DDX17: variants seen among roughly 807,000 people sequenced by gnomAD.
DDX17 encodes DEAD-box helicase 17, also known as probable ATP-dependent RNA helicase DDX17.
Under a neutral mutation model 80.8 loss-of-function variants are expected in DDX17, and 10 were observed. That is an observed-to-expected ratio of 0.12 (90% CI 0.08 to 0.21). The LOEUF (loss-of-function observed/expected upper bound fraction) is 0.21. Among genes scored for constraint, DDX17 ranks in the 10% least tolerant of loss-of-function variants. The pLI, the probability that DDX17 is intolerant of heterozygous loss-of-function variation, is 1.00. For synonymous variants in DDX17, 339 were observed against 336.2 expected, an observed-to-expected ratio of 1.01 and a Z score of -0.09; for missense variants, 586 against 957.4, an observed-to-expected ratio of 0.61 and a Z score of 5.12.
chr22:38,503,565 C>A (rs1197423777), intron 1 of DDX17, among the ~76,000 whole-genome samples: 3 of 152,132 alleles, frequency 2.0e-5, no homozygotes, highest in African/African-American at 7.2e-5. Context: ...TAATTAATGA[C>A]CTCAAAATTC....
At chr22:38,505,674 C>T in intron 1 of DDX17, 1 of 428,296 alleles carries the variant, frequency 2.3e-6, no homozygotes, top group Non-Finnish European at 4.1e-6. Context: ...GGCCAGGCCG[C>T]CCCTCCCGAT....
In DDX17 at chr22:38,486,291, C is replaced by T. The variant is rs748466272; in HGVS notation, c.1834G>A (p.Gly612Ser). The change falls in exon 13 of 13, where the codon GGT (glycine) becomes AGT (serine). Residue 612 changes from glycine (G) to serine (S), a missense_variant. By Grantham distance (56) the Gly-to-Ser change is moderately conservative. Around this residue, in one of 4 missense-constraint regions of DDX17, gnomAD observed 221 missense variants for 261.4 expected, o/e 0.85. Coordinates refer to ENST00000403230, the MANE Select transcript of DDX17 (RefSeq NM_006386.5). ...CCATAGCCACTGCCATTAGCATAAC[C>T]AGCTCTATCGGTTTCACTACGATCC... is the stretch of plus-strand genomic sequence containing the variant. 4.3e-6 allele frequency: 7 copies of T among 1,614,180 alleles called. No homozygotes were observed. In the South Asian group the frequency reaches 4.4e-5, roughly 10 times the overall value.
chr22:38,505,823 C>T (rs987280559), intron 1 of DDX17, 128 bp downstream of exon 1: 3 of 1,225,596 alleles, frequency 2.4e-6, no homozygotes, highest in Non-Finnish European at 3.4e-6. Flanking sequence ...CGCTGTCTCG[C>T]CTCGAGTCGC....
At chr22:38,500,591 C>T (rs2089817831) in intron 2 of DDX17, among the ~76,000 whole-genome samples, 2 of 149,464 alleles carry the variant, frequency 1.3e-5, no homozygotes, top group Non-Finnish European at 3.0e-5. Flanking sequence ...GGTCGATCAC[C>T]TGAGGTCCGA....
chr22:38,506,036 G>C lies in DDX17; in HGVS notation c.202C>G (p.Arg68Gly). The C allele has an allele frequency of 6.3e-7, 1 of 1,587,688 alleles. No homozygotes were observed. The highest frequency in any genetic ancestry group is 1.1e-5 in the South Asian group (1 of 87,354). The change falls in exon 1 of 13, where the codon CGT (arginine) becomes GGT (glycine). Residue 68 changes from arginine (R) to glycine (G), a missense_variant. This residue lies in a region of DDX17 where 215 missense variants were observed against 238.4 expected (regional missense o/e 0.90). Coordinates refer to ENST00000403230, the MANE Select transcript of DDX17 (RefSeq NM_006386.5). The stretch of plus-strand genomic sequence containing the variant: ...GGATAGAGATCTGGGAGCGGGGCAC[G>C]GATGGCCGGGCTCGGGAGGGCCTGC...
At chr22:38,495,964 A>C (rs1156981751) in intron 5 of DDX17, 27 bp from the exon 6 acceptor site, 3 of 1,353,874 alleles carry the variant, frequency 2.2e-6, no homozygotes, top group African/African-American at 3.2e-5. Flanking sequence ...GACACTTGAG[A>C]CCTCATCCAA....
chr22:38,505,620 C>A (rs1407575188), intron 1 of DDX17: 2 of 279,702 alleles, frequency 7.2e-6, no homozygotes, highest in Non-Finnish European at 1.3e-5. Flanking sequence ...GCTCGAGAGC[C>A]GGGAAACCAG....
At chr22:38,504,293 G>C (rs1352619547) in intron 1 of DDX17, among the ~76,000 whole-genome samples, 3 of 151,932 alleles carry the variant, frequency 2.0e-5, no homozygotes, top group African/African-American at 7.3e-5. Context: ...TCTTTTTCAC[G>C]GCTGATTCAA....
chr22:38,505,463 T>A (rs901907674), intron 1 of DDX17: 1 of 156,642 alleles, frequency 6.4e-6, no homozygotes, highest in African/African-American at 2.4e-5. Context: ...CTCCCGTGCC[T>A]TAAACAGTGA....
rs916638643 is a variant in DDX17, at chr22:38,506,277, C to G, written c.-40G>C. ...AAACCGGGCAGTGCCGCGGTTTAGG[C>G]GTCTCCTTCCTTCCCAGCGACTGCA... On this transcript the variant is annotated 5_prime_UTR_variant, in exon 1 of 13. Transcript: ENST00000403230. 1.3e-6 allele frequency: 2 copies of G among 1,536,894 alleles called. No homozygotes were observed. The highest frequency in any genetic ancestry group is 1.7e-6 in the Non-Finnish European group (2 of 1,146,174).
At chr22:38,488,156 C>T in intron 11 of DDX17, 41 bp from the exon 12 acceptor site, 2 of 1,612,402 alleles carry the variant, frequency 1.2e-6, no homozygotes, top group Non-Finnish European at 1.7e-6. Flanking sequence ...GTTGATGTGG[C>T]AGGGAAAGAG....
intron 2 of DDX17, among the ~76,000 whole-genome samples, 192 bp downstream of exon 2, chr22:38,500,938 C>T (rs1476546747): frequency 6.9e-6 from 1 of 143,894 alleles, no homozygotes; most frequent in African/African-American, 2.6e-5. Context: ...CAAGACCAGC[C>T]TGGGGAATAT....
At chr22:38,502,488 CCTT>C (rs1304912964) in intron 1 of DDX17, among the ~76,000 whole-genome samples, 4 of 151,424 alleles carry the variant, frequency 2.6e-5, no homozygotes, top group African/African-American at 9.7e-5. Flanking sequence ...CCTTCTATCT[CCTT>C]CTTGTTCCCA....
intron 5 of DDX17, 79 bp from the exon 6 acceptor site, chr22:38,496,016 A>G (rs987573962): frequency 1.0e-5 from 13 of 1,290,208 alleles, no homozygotes; most frequent in Middle Eastern, 2.3e-4. Flanking sequence ...ACAAAATACA[A>G]AAAGCTAATT....
intron 11 of DDX17, chr22:38,490,710 G>T: frequency 4.1e-6 from 1 of 244,820 alleles, no homozygotes; most frequent in Non-Finnish European, 8.3e-6. Context: ...GATCTTGTAG[G>T]ACATTGGTCA....
intron 2 of DDX17, among the ~76,000 whole-genome samples, chr22:38,500,918 C>G (rs2089822805): frequency 7.1e-6 from 1 of 140,762 alleles, no homozygotes; most frequent in Admixed American, 7.5e-5. Flanking sequence ...TTTGCTTGAG[C>G]TAGGGAGTTC....
intron 11 of DDX17, chr22:38,488,617 C>G: frequency 1.0e-6 from 1 of 988,272 alleles, no homozygotes; most frequent in Non-Finnish European, 1.2e-6. Context: ...AAAGGAGCTT[C>G]ATATATTTTA....
intron 4 of DDX17, 72 bp from the exon 5 acceptor site, chr22:38,498,222 G>A: frequency 6.5e-7 from 1 of 1,527,554 alleles, no homozygotes; most frequent in Non-Finnish European, 9.0e-7. Context: ...AGTAATTACT[G>A]AATTAATGCA....
chr22:38,488,532 G>GT (rs1411694053), intron 11 of DDX17: 1 of 1,007,588 alleles, frequency 9.9e-7, no homozygotes, highest in Non-Finnish European at 1.2e-6. Flanking sequence ...CTTCTACTCT[G>GT]TTGGGAGAAG....
Sources: allele counts gnomAD v4.1 joint callset (sites outside exome capture counted in the v4.1 genomes callset), GRCh38; gene constraint gnomAD v4.1.1; regional missense constraint gnomAD v4.1.1; transcripts MANE v1.5; gene names NCBI Gene and HGNC (gene_info 2026-07-23, HGNC 2026-07-21).